The following EDIL3 variants were observed in gnomAD, a reference collection of about 807,000 sequenced individuals.
The protein encoded by EDIL3 is EGF-like repeat and discoidin I-like domain-containing protein 3.
In EDIL3, 37 loss-of-function variants were observed where a neutral mutation model predicts 67.4. The observed-to-expected ratio is 0.55, with a 90% CI of 0.42 to 0.72. The LOEUF is 0.72. Among genes scored for constraint, EDIL3 ranks in the 30% least tolerant of loss-of-function variants. The pLI is 0.00. For synonymous variants in EDIL3, 195 were observed against 196.3 expected (o/e 0.99, Z 0.05); for missense variants, 527 against 586.3 (o/e 0.90, Z 1.04).
chr5:84,123,756 A>G (rs985243208), intron 5 of EDIL3, among the ~76,000 whole-genome samples: 1 of 151,862 alleles, frequency 6.6e-6, no homozygotes, highest in Non-Finnish European at 1.5e-5. Flanking sequence ...CTTGTAGACA[A>G]TTTACTTGTC....
intron 5 of EDIL3, among the ~76,000 whole-genome samples, chr5:84,136,632 A>G (rs1033393717): frequency 2.0e-5 from 3 of 152,026 alleles, no homozygotes; most frequent in Admixed American, 6.6e-5. Context: ...AGCGTGTGGG[A>G]CGGCCCAAAT....
intron 2 of EDIL3, among the ~76,000 whole-genome samples, chr5:84,250,253 T>C (rs1328386838): frequency 6.6e-6 from 1 of 152,212 alleles, no homozygotes; most frequent in Non-Finnish European, 1.5e-5. Context: ...TGAATCTTAA[T>C]AACTCTAAGA....
chr5:84,011,793 T>G (rs1405476047), intron 9 of EDIL3, among the ~76,000 whole-genome samples: 1 of 152,190 alleles, frequency 6.6e-6, no homozygotes, highest in Non-Finnish European at 1.5e-5. Flanking sequence ...TTTCTCACTT[T>G]ATTCAATATT....
intron 1 of EDIL3, among the ~76,000 whole-genome samples, chr5:84,352,624 T>C (rs889928565): frequency 6.6e-6 from 1 of 151,864 alleles, no homozygotes; most frequent in Non-Finnish European, 1.5e-5. Flanking sequence ...ATAATAGATA[T>C]TAGAGATTCC....
rs561448497 is a variant in EDIL3, at chr5:84,153,550, C to G, written c.356-16196G>C. 4.6e-5 allele frequency among the ~76,000 whole-genome samples: 7 copies of G among 152,160 alleles called. No individual in the cohort carries two copies. The South Asian group carries it at 1.5e-3, about 32-fold the overall frequency. On this transcript the variant is annotated intron_variant, in intron 4 of 10. Coordinates refer to ENST00000296591, the MANE Select transcript of EDIL3 (RefSeq NM_005711.5). ...CCTCAGGCTGGTCTCGAACTCCTGA[C>G]CTCCCAGGTTCAAGCAATTCTCCTG...
At chr5:84,251,440 G>A (rs1295977497) in intron 2 of EDIL3, among the ~76,000 whole-genome samples, 3 of 150,150 alleles carry the variant, frequency 2.0e-5, no homozygotes, top group African/African-American at 7.4e-5. Context: ...AAACAAAAAC[G>A]CAGGATGGTC....
chr5:84,200,433 C>T (rs1019800770), intron 3 of EDIL3, among the ~76,000 whole-genome samples: 1 of 151,786 alleles, frequency 6.6e-6, no homozygotes, highest in Non-Finnish European at 1.5e-5. Context: ...ATAAATACAG[C>T]ATGCTTTATC....
intron 4 of EDIL3, among the ~76,000 whole-genome samples, chr5:84,159,448 C>T (rs1748564927): frequency 6.6e-6 from 1 of 151,880 alleles, no homozygotes; most frequent in Non-Finnish European, 1.5e-5. Flanking sequence ...ATTGGTTACT[C>T]TTATAAGTTC....
At chr5:83,954,770 G>A (rs1233431535) in intron 10 of EDIL3, among the ~76,000 whole-genome samples, 1 of 151,738 alleles carries the variant, frequency 6.6e-6, no homozygotes, top group Non-Finnish European at 1.5e-5. Context: ...ATCATACTCA[G>A]ATTGATCGAG....
intron 9 of EDIL3, among the ~76,000 whole-genome samples, chr5:84,026,205 A>G (rs148793686): frequency 4.1e-4 from 63 of 152,298 alleles, no homozygotes; most frequent in African/African-American, 1.3e-3. Context: ...TCATATGCAC[A>G]CTGACTTTTG....
At chr5:84,057,600 C>A (rs1412420084) in intron 9 of EDIL3, among the ~76,000 whole-genome samples, 1 of 151,900 alleles carries the variant, frequency 6.6e-6, no homozygotes, top group Non-Finnish European at 1.5e-5. Context: ...TCAATGATGG[C>A]TATATATTAT....
At chr5:84,045,933 T>C (rs943203117) in intron 9 of EDIL3, among the ~76,000 whole-genome samples, 2 of 152,184 alleles carry the variant, frequency 1.3e-5, no homozygotes, top group African/African-American at 4.8e-5. Context: ...CATTACTGGC[T>C]TTGAGGAAAT....
intron 1 of EDIL3, among the ~76,000 whole-genome samples, chr5:84,380,268 ATGCTAAGCGTCTTCCT>A (rs1384654864): frequency 6.6e-6 from 1 of 151,962 alleles, no homozygotes; most frequent in Non-Finnish European, 1.5e-5. Flanking sequence ...TCTAAGGAAG[ATGCTAAGCGTCTTCCT>A]TAAAACACAG....
chr5:84,027,277 C>T (rs1745832534), intron 9 of EDIL3, among the ~76,000 whole-genome samples: 1 of 152,028 alleles, frequency 6.6e-6, no homozygotes, highest in Non-Finnish European at 1.5e-5. Flanking sequence ...AGTATAAGCC[C>T]CAAAAGGGTA....
chr5:84,246,037 T>C (rs953987629), intron 2 of EDIL3, among the ~76,000 whole-genome samples: 2 of 152,144 alleles, frequency 1.3e-5, no homozygotes, highest in East Asian at 3.9e-4. Context: ...ATCATGGCCA[T>C]ATATTTGTGT....
At chr5:84,356,653 A>G (rs1357826558) in intron 1 of EDIL3, among the ~76,000 whole-genome samples, 4 of 152,168 alleles carry the variant, frequency 2.6e-5, no homozygotes, top group Non-Finnish European at 5.9e-5. Flanking sequence ...ATATCTACAC[A>G]GTCCCTTTTA....
rs1237060238 is a variant in EDIL3, at chr5:83,942,770, T to C, written c.*649A>G. 1 of 151,898 alleles carries C rather than the reference T, an allele frequency of 6.6e-6. No homozygotes were observed. Among genetic ancestry groups the C allele is most frequent in the East Asian group, 1.9e-4 (1 of 5,154 alleles). 9.4% of individuals were successfully genotyped at this position (151,898 alleles called of 1,614,324 possible). On this transcript the variant is annotated 3_prime_UTR_variant, in exon 11 of 11. Transcript: ENST00000296591. The stretch of plus-strand genomic sequence containing the variant: ...AATAGGAAATTCAATTAGAAAAAAA[T>C]TGAATTATTCAGGTAATATACAATA...
chr5:84,262,841 T>G (rs2112086572), intron 1 of EDIL3, among the ~76,000 whole-genome samples: 1 of 151,766 alleles, frequency 6.6e-6, no homozygotes, highest in East Asian at 2.0e-4. Flanking sequence ...CAGCTAATTT[T>G]TTGTAGTTTA....
At chr5:83,949,325 T>C (rs1744366817) in intron 10 of EDIL3, among the ~76,000 whole-genome samples, 1 of 151,570 alleles carries the variant, frequency 6.6e-6, no homozygotes, top group Admixed American at 6.6e-5. Context: ...CAGGTGAAAG[T>C]CAAATGAAAA....
Sources: allele counts gnomAD v4.1 joint callset (sites outside exome capture counted in the v4.1 genomes callset), GRCh38; gene constraint gnomAD v4.1.1; transcripts MANE v1.5; gene names NCBI Gene and HGNC (gene_info 2026-07-23, HGNC 2026-07-21).